Variants in SVIL observed in about 807,000 individuals in gnomAD.
SVIL encodes supervillin.
A neutral mutation model predicts 240.4 loss-of-function variants in SVIL; 101 were observed. The ratio of observed to expected loss-of-function variants is 0.42; its 90% CI spans 0.36 to 0.50. SVIL has a LOEUF of 0.50. Among genes scored for constraint, SVIL ranks in the 20% least tolerant of loss-of-function variants. The pLI is 0.01. For synonymous variants in SVIL, 999 were observed against 1,100.0 expected (o/e 0.91, Z 1.82); for missense variants, 2,512 against 2,818.7 (o/e 0.89, Z 2.46).
intron 1 of SVIL, among the ~76,000 whole-genome samples, chr10:29,578,899 A>G (rs900279231): frequency 1.3e-5 from 2 of 152,196 alleles, no homozygotes; most frequent in Admixed American, 1.3e-4. Context: ...CCTCAGCCTG[A>G]GACTATTACT....
At position 29,676,147 on chromosome 10, in the gene SVIL, TAGTC is replaced by T. The variant is rs1960185313; in HGVS notation, c.-301+10402_-301+10405del. Among the ~76,000 whole-genome samples the T allele has an allele frequency of 5.3e-5, 8 of 152,332 alleles. No individual in the cohort carries two copies. In the South Asian group the frequency reaches 1.7e-3, roughly 32 times the overall value. On this transcript the variant is annotated intron_variant, in intron 2 of 35. Coordinates refer to the SVIL transcript ENST00000375400. ...TCCCTGCTATATAAACCCCTAATTT[TAGTC>T]AGTCAGAGAGATGGATTTGAGACTG...
intron 1 of SVIL, among the ~76,000 whole-genome samples, chr10:29,614,316 T>A (rs777134006): frequency 9.9e-5 from 15 of 152,150 alleles, no homozygotes; most frequent in Non-Finnish European, 2.2e-4. Flanking sequence ...ACTGGATATA[T>A]ACACAAAGGA....
intron 3 of SVIL, chr10:29,644,105 G>A: frequency 2.2e-6 from 1 of 463,446 alleles, no homozygotes; most frequent in Admixed American, 2.3e-5. Flanking sequence ...CTGTCAAGCA[G>A]CAGCTCACTG....
chr10:29,509,437 CTCT>C (rs1949663535), intron 17 of SVIL, among the ~76,000 whole-genome samples: 1 of 149,848 alleles, frequency 6.7e-6, no homozygotes, highest in Non-Finnish European at 1.5e-5. Flanking sequence ...ACAATTAGTG[CTCT>C]TAAGCTCTTG....
rs1943776937 is a variant in SVIL at position 29,458,222 on chromosome 10, T to C, written c.*25A>G. On this transcript the variant is annotated 3_prime_UTR_variant, in exon 38 of 38. Transcript: ENST00000355867. ...GCAGTGGTGTTGTTGGACGTGACCG[T>C]GAGGCTCCTCTGGCGTCTCCCCACT... 6 of 1,609,624 alleles carry C rather than the reference T, an allele frequency of 3.7e-6. No individual in the cohort carries two copies. In the East Asian group the frequency reaches 1.1e-4, roughly 30 times the overall value.
chr10:29,663,865 G>A (rs190215838), intron 2 of SVIL, among the ~76,000 whole-genome samples: 25 of 152,312 alleles, frequency 1.6e-4, no homozygotes, highest in African/African-American at 5.1e-4. Context: ...TCAGCACATC[G>A]GCAACTGCAA....
chr10:29,489,551 T>TTTG (rs770762961), intron 22 of SVIL, among the ~76,000 whole-genome samples: 8 of 152,164 alleles, frequency 5.3e-5, no homozygotes, highest in African/African-American at 7.2e-5. Context: ...ATACACTTTT[T>TTTG]TTGTTGTTGT....
chr10:29,624,464 G>C (rs1957788323), intron 1 of SVIL, among the ~76,000 whole-genome samples: 1 of 152,182 alleles, frequency 6.6e-6, no homozygotes. Context: ...CCTGAATGTG[G>C]GAGGCAGAGG....
chr10:29,590,788 A>G (rs578147395), intron 1 of SVIL, among the ~76,000 whole-genome samples: 13 of 152,300 alleles, frequency 8.5e-5, no homozygotes, highest in African/African-American at 2.9e-4. Context: ...TCCACATCTA[A>G]GAGTATCAGT....
intron 1 of SVIL, among the ~76,000 whole-genome samples, chr10:29,701,462 A>G (rs1401627236): frequency 6.6e-6 from 1 of 152,188 alleles, no homozygotes; most frequent in Non-Finnish European, 1.5e-5. Context: ...GAAGAGAGAG[A>G]TGTATAACGC....
chr10:29,730,408 G>C (rs1241936364), intron 1 of SVIL, among the ~76,000 whole-genome samples: 2 of 152,116 alleles, frequency 1.3e-5, no homozygotes, highest in Admixed American at 1.3e-4. Flanking sequence ...TTTTCAATCA[G>C]GAGATCTTAG....
chr10:29,594,977 C>T (rs964909647), intron 1 of SVIL, among the ~76,000 whole-genome samples: 2 of 152,214 alleles, frequency 1.3e-5, no homozygotes, highest in African/African-American at 4.8e-5. Flanking sequence ...GAAGGTAAAC[C>T]CCTGAAGGGG....
chr10:29,598,575 G>C lies in SVIL; in HGVS notation c.-200-29263C>G, dbSNP rs1956687717. 6.6e-5 allele frequency among the ~76,000 whole-genome samples: 10 copies of C among 152,310 alleles called. No homozygotes were observed. In the South Asian group the frequency reaches 2.1e-3, roughly 32 times the overall value. ...CCCTGTGGACAGAAATGACCAACCT[G>C]AGCTGCAAATGCCAGCATGCAGTTA... is the stretch of plus-strand genomic sequence containing the variant. On this transcript the variant is annotated intron_variant, in intron 1 of 37. Transcript: ENST00000355867.
intron 1 of SVIL, among the ~76,000 whole-genome samples, chr10:29,687,337 A>G (rs1002075205): frequency 3.9e-5 from 6 of 152,220 alleles, no homozygotes; most frequent in African/African-American, 1.4e-4. Context: ...TTTCTCTTCA[A>G]ACATTCACCT....
In SVIL at chr10:29,629,815, GA is replaced by G. The variant is rs1268863925; in HGVS notation, c.-201+4604del. Among the ~76,000 whole-genome samples the G allele has an allele frequency of 2.7e-5, 4 of 147,386 alleles. 1 individual carries two copies. The highest frequency in any genetic ancestry group is 9.9e-5 in the African/African-American group (4 of 40,460). ...CAACATAGTGAGACCCCTGCCTCTA[GA>G]ATTTTTTTTTTTAATTAGCTGGGCA... On this transcript the variant is annotated intron_variant, in intron 1 of 37. Coordinates refer to ENST00000355867, the MANE Select transcript of SVIL (RefSeq NM_021738.3).
At chr10:29,540,851 A>C (rs1015778868) in intron 6 of SVIL, among the ~76,000 whole-genome samples, 3 of 152,246 alleles carry the variant, frequency 2.0e-5, no homozygotes, top group African/African-American at 7.2e-5. Context: ...CCAATGAACA[A>C]TATCAAATCA....
intron 8 of SVIL, 51 bp downstream of exon 8, chr10:29,532,478 G>T: frequency 6.4e-7 from 1 of 1,557,578 alleles, no homozygotes; most frequent in Non-Finnish European, 8.7e-7. Context: ...GAATCATTCT[G>T]CCAGGGACGT....
In SVIL at chr10:29,535,461, C is replaced by T. The variant is rs571155476; in HGVS notation, c.908+528G>A. ...ACTCATTCTGACTCCTTCCGCCTCT[C>T]CCTGCCCCCAGTCTTAAAAATGAAA... On this transcript the variant is annotated intron_variant, in intron 7 of 37. Transcript: ENST00000355867. Among the ~76,000 whole-genome samples, 5 of 152,188 alleles carry T rather than the reference C, an allele frequency of 3.3e-5. No individual in the cohort carries two copies. In the South Asian group the frequency reaches 6.2e-4, roughly 19 times the overall value.
chr10:29,682,106 CT>C (rs1423330601), intron 2 of SVIL, among the ~76,000 whole-genome samples: 1 of 152,188 alleles, frequency 6.6e-6, no homozygotes, highest in African/African-American at 2.4e-5. Flanking sequence ...TGGCTCTGGG[CT>C]TTGCATCTCT....
Sources: gnomAD v4.1 joint callset for allele counts (sites outside exome capture counted in the v4.1 genomes callset) on GRCh38, gnomAD v4.1.1 for gene constraint, MANE v1.5 for transcripts, NCBI Gene and HGNC (gene_info 2026-07-23, HGNC 2026-07-21) for gene names.